Variants in TTLL3 observed in about 807,000 individuals in gnomAD.
The protein encoded by TTLL3 is tubulin tyrosine ligase like 3, also known as tubulin monoglycylase TTLL3.
A neutral mutation model predicts 75.2 loss-of-function variants in TTLL3; 63 were observed. That is an observed-to-expected ratio of 0.84 (90% CI 0.68 to 1.03). The LOEUF is 1.03. Ranked by LOEUF, TTLL3 falls within the 50% of genes least tolerant of loss-of-function variation. TTLL3 has a pLI of 0.00. For synonymous variants in TTLL3, 393 were observed against 418.5 expected (o/e 0.94, Z 0.74); for missense variants, 997 against 1,069.9 (o/e 0.93, Z 0.95).
upstream of TTLL3, chr3:9,810,196 C>T (rs1349108947): frequency 1.4e-6 from 2 of 1,481,272 alleles, no homozygotes. The surrounding 1 kb of genome is among the most constrained non-coding windows in gnomAD (Gnocchi z 4.4). Context: ...CAGGAGGCTG[C>T]CATGGGCCGG....
In TTLL3 at chr3:9,816,064, G is replaced by T. The variant is rs372282373; in HGVS notation, c.316-10G>T. ...GGCCTCTGTGTTTCTGTCTCCTCCT[G>T]TCTCCCCAGTCCCGCATGGTCCAGA... On this transcript the variant is annotated splice_polypyrimidine_tract_variant and intron_variant, in intron 4 of 13. Coordinates refer to ENST00000685419, the MANE Select transcript of TTLL3 (RefSeq NM_001387446.1). 3.2e-5 allele frequency: 43 copies of T among 1,350,282 alleles called. No individual in the cohort carries two copies. The highest frequency in any genetic ancestry group is 3.9e-6 in the Non-Finnish European group (4 of 1,012,696). The allele number at this position is 1,350,282 out of a possible 1,614,324, so 83.6% of individuals were successfully genotyped here.
At chr3:9,830,872 G>A (rs1410690156) in intron 11 of TTLL3, among the ~76,000 whole-genome samples, 1 of 151,872 alleles carries the variant, frequency 6.6e-6, no homozygotes, top group South Asian at 2.1e-4. Context: ...GCACCATCTC[G>A]GCTCACTGCA....
At chr3:9,810,241 G>A (rs2079212800), upstream of TTLL3, 1 of 1,509,068 alleles carries the variant, frequency 6.6e-7, no homozygotes, top group Non-Finnish European at 8.8e-7. This position sits in a 1 kb window ranked among gnomAD's most constrained non-coding sequence, Gnocchi z 4.4. Flanking sequence ...GGGTCACGCA[G>A]GCGGCAGATG....
rs2080277462 is a variant in TTLL3, at chr3:9,820,192, A to G, written c.659-354A>G. The stretch of plus-strand genomic sequence containing the variant: ...AGACTTGGGGGAGGGGCGTTCATGT[A>G]TAACTGGGTTCACATAGGCCAAGAC... On this transcript the variant is annotated intron_variant, in intron 7 of 13. Transcript: ENST00000685419. 1.1e-5 allele frequency: 11 copies of G among 1,046,656 alleles called. No homozygotes were observed. In the South Asian group the frequency reaches 3.5e-4, roughly 33 times the overall value. 64.8% of individuals were successfully genotyped at this position (1,046,656 alleles called of 1,614,324 possible).
chr3:9,829,371 A>C lies in TTLL3; in HGVS notation c.1659A>C (p.Gly553=), dbSNP rs2081324368. 2 of 1,602,300 alleles carry C rather than the reference A, an allele frequency of 1.2e-6. No individual in the cohort carries two copies. The highest frequency in any genetic ancestry group is 1.7e-6 in the Non-Finnish European group (2 of 1,172,350). ...DRMLDRNCDT[G]AFELIYKQPA... Reference sequence around the variant, plus strand: ...TGCTGGACCGCAACTGTGACACAGGAGCCTTTGAGCTCATCTATAAGCAGG... The same window carrying C: ...TGCTGGACCGCAACTGTGACACAGGCGCCTTTGAGCTCATCTATAAGCAGG... The change falls in exon 11 of 14, where the codon GGA becomes GGC. Residue 553 remains glycine, a synonymous_variant. Transcript: ENST00000685419.
In TTLL3 at chr3:9,834,746, C is replaced by T; in HGVS notation, c.1891C>T (p.Gln631Ter). 1 of 1,614,232 alleles carries T rather than the reference C, an allele frequency of 6.2e-7. No individual in the cohort carries two copies. The highest frequency in any genetic ancestry group is 8.5e-7 in the Non-Finnish European group (1 of 1,180,034). Residue 631 changes from glutamine (Q) to a stop codon, truncating the protein, a stop_gained, in exon 13 of 14, where the codon CAG (glutamine) becomes TAG (stop). Coordinates refer to ENST00000685419, the MANE Select transcript of TTLL3 (RefSeq NM_001387446.1). LOFTEE classifies it high-confidence loss of function. ...QLPSPHVLRHQGQVLRRQHSK... is the reference protein window; with the variant it reads ...QLPSPHVLRH The stretch of plus-strand genomic sequence containing the variant: ...GCCTTCTCCCCATGTACTCCGACAC[C>T]AGGGCCAGGTCCTCAGACGACAGCA...
At position 9,833,309 on chromosome 3, in the gene TTLL3, TG is replaced by T. The variant is rs775272725; in HGVS notation, c.1825+68del. Reference sequence around the variant, plus strand: ...AGGAAAGGCACTGGGGCCAGGAGCCTGGGGCACAGTGAGAAGCCAGTCTCCA... The same window carrying T: ...AGGAAAGGCACTGGGGCCAGGAGCCTGGGCACAGTGAGAAGCCAGTCTCCA... On this transcript the variant is annotated intron_variant, in intron 12 of 13. Coordinates refer to ENST00000685419, the MANE Select transcript of TTLL3 (RefSeq NM_001387446.1). 2.5e-6 allele frequency: 4 copies of T among 1,577,828 alleles called. No homozygotes were observed. In the African/African-American group the frequency reaches 5.5e-5, roughly 22 times the overall value.
chr3:9,816,322 A>T (rs188064588), intron 5 of TTLL3, 120 bp downstream of exon 5: 1 of 1,099,094 alleles, frequency 9.1e-7, no homozygotes, highest in Non-Finnish European at 1.2e-6. Context: ...GAAGTATACA[A>T]TTCAGAAAAT....
In TTLL3 at chr3:9,829,311, GC is replaced by G; in HGVS notation, c.1600del (p.Gln534LysfsTer43). On this transcript the variant is annotated frameshift_variant, in exon 11 of 14. Coordinates refer to ENST00000685419, the MANE Select transcript of TTLL3 (RefSeq NM_001387446.1). LOFTEE classifies it high-confidence loss of function. ...AVTARLCAGV[Q>X]ADTLRVVIDR... is the part of the protein sequence containing the mutation. ...TCACTGCCCGGCTCTGTGCTGGCGT[GC>G]AAGCTGACACCCTGCGCGTGGTCAT... 1 of 1,613,942 alleles carries G rather than the reference GC, an allele frequency of 6.2e-7. No individual in the cohort carries two copies. Among genetic ancestry groups the G allele is most frequent in the Non-Finnish European group, 8.5e-7 (1 of 1,179,946 alleles).
rs537936129 is a variant in TTLL3, at chr3:9,826,669, G to T, written c.1004-328G>T. On this transcript the variant is annotated intron_variant, in intron 9 of 13. Transcript: ENST00000685419. The stretch of plus-strand genomic sequence containing the variant: ...AATCACTTGAACCCGGGAGGCGGAG[G>T]TTGCAGTGAGCTGAGCTCGTGCCAC... Among the ~76,000 whole-genome samples the T allele has an allele frequency of 4.0e-3, 600 of 150,052 alleles. 1 individual carries two copies. The highest frequency in any genetic ancestry group is 6.9e-3 in the Non-Finnish European group (466 of 67,780).
At chr3:9,823,949 C>T (rs956664630) in intron 8 of TTLL3, among the ~76,000 whole-genome samples, 1 of 152,208 alleles carries the variant, frequency 6.6e-6, no homozygotes, top group African/African-American at 2.4e-5. Flanking sequence ...GTCCATGAAA[C>T]CCTGTCCGTG....
chr3:9,828,867 C>T (rs1157905138), intron 10 of TTLL3, 93 bp from the exon 11 acceptor site: 2 of 1,523,866 alleles, frequency 1.3e-6, no homozygotes, highest in African/African-American at 2.7e-5. Flanking sequence ...TGCAGGGTGG[C>T]CCAGGGCTGC....
chr3:9,816,519 G>GTTTTTTTTTTTTTTTTTT (rs1397485164), intron 5 of TTLL3, among the ~76,000 whole-genome samples: 12 of 36,222 alleles, frequency 3.3e-4, no homozygotes, highest in East Asian at 1.3e-3. Flanking sequence ...TCTTACCTGG[G>GTTTTTTTTTTTTTTTTTT]TTTCTTTTTT....
intron 10 of TTLL3, chr3:9,828,682 C>G (rs999580791): frequency 4.2e-6 from 2 of 479,990 alleles, no homozygotes; most frequent in Non-Finnish European, 7.6e-6. Context: ...CTTCCAGACA[C>G]TGGGATGGTT....
intron 6 of TTLL3, chr3:9,818,031 G>A (rs2080051837): frequency 2.7e-6 from 1 of 374,690 alleles, no homozygotes; most frequent in Non-Finnish European, 4.9e-6. Context: ...CTTGAGTTTG[G>A]AATCCAGAAC....
At chr3:9,817,104 CGCTCGGCCTTGGCA>C (rs1453160104) in intron 5 of TTLL3, among the ~76,000 whole-genome samples, 1 of 152,122 alleles carries the variant, frequency 6.6e-6, no homozygotes, top group Non-Finnish European at 1.5e-5. Flanking sequence ...TGAGCCACCG[CGCTCGGCCTTGGCA>C]GCTCTTTAAG....
intron 10 of TTLL3, chr3:9,827,978 C>A (rs558660167): frequency 6.6e-6 from 1 of 152,084 alleles, no homozygotes; most frequent in Admixed American, 6.6e-5. Context: ...CCCGTCTCTA[C>A]TAAAAATATA....
intron 8 of TTLL3, among the ~76,000 whole-genome samples, chr3:9,822,719 A>T (rs1403019843): frequency 7.6e-6 from 1 of 131,794 alleles, no homozygotes; most frequent in East Asian, 2.5e-4. Flanking sequence ...ATATCGTTGT[A>T]TGTATATATT....
In TTLL3 at chr3:9,833,139, G is replaced by C. The variant is rs911684929; in HGVS notation, c.1719G>C (p.Arg573=). 6.2e-7 allele frequency: 1 copy of C among 1,614,154 alleles called. No homozygotes were observed. Among genetic ancestry groups the C allele is most frequent in the Non-Finnish European group, 8.5e-7 (1 of 1,180,006 alleles). The change falls in exon 12 of 14, where the codon CGG becomes CGC. Residue 573 remains arginine, a synonymous_variant. Transcript: ENST00000685419. ...AVEVPQYVGI[R]LLVEGFTIKK... ...AGGTGCCTCAATATGTGGGCATCCG[G>C]CTCCTGGTAGAGGGCTTCACCATCA...
Sources: allele counts gnomAD v4.1 joint callset (sites outside exome capture counted in the v4.1 genomes callset), GRCh38; gene constraint gnomAD v4.1.1; non-coding constraint Gnocchi (gnomAD v3.1); transcripts MANE v1.5; gene names NCBI Gene and HGNC (gene_info 2026-07-23, HGNC 2026-07-21).